ALK: variants seen among roughly 807,000 people sequenced by gnomAD.
ALK encodes the protein ALK receptor tyrosine kinase.
Under a neutral mutation model 163.1 loss-of-function variants are expected in ALK, and 74 were observed. That is an observed-to-expected ratio of 0.45 (90% confidence interval 0.38 to 0.55). The LOEUF is 0.55. ALK is among the 20% of genes least tolerant of loss of function. The pLI is 0.00. For synonymous variants in ALK, 960 were observed against 843.2 expected, an observed-to-expected ratio of 1.14 and a Z score of -2.40; for missense variants, 2,063 against 2,105.3, an observed-to-expected ratio of 0.98 and a Z score of 0.39.
At chr2:29,291,082 A>C (rs993727913) in intron 9 of ALK, among the ~76,000 whole-genome samples, 3 of 152,194 alleles carry the variant, frequency 2.0e-5, no homozygotes, top group Non-Finnish European at 4.4e-5. Flanking sequence ...ATGGCTATTG[A>C]CCAGGTGCGA....
chr2:29,410,010 G>A (rs72792455), intron 4 of ALK, among the ~76,000 whole-genome samples: 3,809 of 152,220 alleles, frequency 0.025, 99 homozygotes, highest in Non-Finnish European at 0.038. Context: ...TTAAACATAT[G>A]TTCAACCTTC....
intron 3 of ALK, among the ~76,000 whole-genome samples, chr2:29,618,641 T>C (rs971514568): frequency 1.3e-5 from 2 of 152,122 alleles, no homozygotes; most frequent in Non-Finnish European, 2.9e-5. Context: ...CTGCCCACGC[T>C]ACAGACTAGG....
intron 1 of ALK, among the ~76,000 whole-genome samples, chr2:29,806,665 T>G (rs1664625207): frequency 6.6e-6 from 1 of 152,148 alleles, no homozygotes; most frequent in African/African-American, 2.4e-5. Context: ...CAAAATAGAT[T>G]GGTGAGGACT....
intron 23 of ALK, among the ~76,000 whole-genome samples, chr2:29,215,927 C>T (rs957997669): frequency 6.6e-6 from 1 of 152,164 alleles, no homozygotes; most frequent in East Asian, 1.9e-4. Context: ...GGAGCACCCA[C>T]GCCAGCAGCC....
At chr2:29,873,818 G>A (rs1227950924) in intron 1 of ALK, among the ~76,000 whole-genome samples, 1 of 151,748 alleles carries the variant, frequency 6.6e-6, no homozygotes, top group Admixed American at 6.6e-5. Flanking sequence ...GGATAGCAGT[G>A]ATAATGACTG....
At chr2:29,718,398 G>A (rs1679325903) in intron 1 of ALK, among the ~76,000 whole-genome samples, 1 of 152,210 alleles carries the variant, frequency 6.6e-6, no homozygotes, top group Non-Finnish European at 1.5e-5. Context: ...CAAATCAAAT[G>A]ATCATGCACT....
At chr2:29,687,553 G>A (rs1678274890) in intron 3 of ALK, among the ~76,000 whole-genome samples, 1 of 151,862 alleles carries the variant, frequency 6.6e-6, no homozygotes. Flanking sequence ...AGGATAGCAT[G>A]TTTTATCTTA....
At chr2:29,448,315 G>T (rs1050578434) in intron 4 of ALK, among the ~76,000 whole-genome samples, 1 of 152,196 alleles carries the variant, frequency 6.6e-6, no homozygotes, top group Non-Finnish European at 1.5e-5. Flanking sequence ...ATTTAGGAGG[G>T]AGGCTGGCTT....
chr2:29,329,263 A>G (rs1467817686), intron 5 of ALK, among the ~76,000 whole-genome samples: 1 of 152,226 alleles, frequency 6.6e-6, no homozygotes, highest in African/African-American at 2.4e-5. Context: ...TAATGAATTA[A>G]CCTGTGACCA....
intron 3 of ALK, among the ~76,000 whole-genome samples, chr2:29,602,610 G>A (rs762696290): frequency 1.3e-5 from 2 of 152,086 alleles, no homozygotes; most frequent in Admixed American, 6.6e-5. Flanking sequence ...AGACACAGAG[G>A]GTCCTGTTTG....
At chr2:29,822,636 C>T (rs1665081037) in intron 1 of ALK, among the ~76,000 whole-genome samples, 1 of 152,166 alleles carries the variant, frequency 6.6e-6, no homozygotes, top group East Asian at 1.9e-4. Context: ...TGAGGTTCCT[C>T]ACTTATAAAT....
At chr2:29,451,893 T>C (rs1670828298) in intron 4 of ALK, among the ~76,000 whole-genome samples, 1 of 152,230 alleles carries the variant, frequency 6.6e-6, no homozygotes, top group African/African-American at 2.4e-5. Flanking sequence ...GAATTTGTTC[T>C]ATAGCTGTGT....
chr2:29,761,897 A>T (rs569232512), intron 1 of ALK, among the ~76,000 whole-genome samples: 1 of 152,358 alleles, frequency 6.6e-6, no homozygotes, highest in South Asian at 2.1e-4. Context: ...TTGGTATCTA[A>T]TTTAGATGGT....
chr2:29,820,501 G>T (rs1413272530), intron 1 of ALK, among the ~76,000 whole-genome samples: 1 of 152,184 alleles, frequency 6.6e-6, no homozygotes, highest in African/African-American at 2.4e-5. Flanking sequence ...GGGGGAATTT[G>T]TTATGCTGCA....
At chr2:29,274,054 C>G (rs147403276) in intron 11 of ALK, among the ~76,000 whole-genome samples, 263 of 152,010 alleles carry the variant, frequency 1.7e-3, no homozygotes, top group East Asian at 3.5e-3. Flanking sequence ...GTAACTAACT[C>G]TTTCTCCTGG....
At chr2:29,603,457 T>C (rs1006978380) in intron 3 of ALK, among the ~76,000 whole-genome samples, 1 of 152,218 alleles carries the variant, frequency 6.6e-6, no homozygotes, top group African/African-American at 2.4e-5. Flanking sequence ...ATCTTATTAC[T>C]ACAAAGAGTC....
At chr2:29,633,378 C>T (rs1335236684) in intron 3 of ALK, among the ~76,000 whole-genome samples, 1 of 152,076 alleles carries the variant, frequency 6.6e-6, no homozygotes, top group Non-Finnish European at 1.5e-5. Flanking sequence ...TTAAAAAACA[C>T]ATTGAACTAG....
chr2:29,657,670 G>A (rs1467329674), intron 3 of ALK, among the ~76,000 whole-genome samples: 1 of 152,128 alleles, frequency 6.6e-6, no homozygotes, highest in African/African-American at 2.4e-5. Flanking sequence ...TTGAAGAAGG[G>A]ATGGAGAATG....
chr2:29,655,768 A>T (rs1220324403), intron 3 of ALK, among the ~76,000 whole-genome samples: 1 of 152,236 alleles, frequency 6.6e-6, no homozygotes, highest in African/African-American at 2.4e-5. Flanking sequence ...TCATAGAAAG[A>T]AAATGGAAAA....
Sources: gnomAD v4.1 joint callset for allele counts (sites outside exome capture counted in the v4.1 genomes callset) on GRCh38, gnomAD v4.1.1 for gene constraint, MANE v1.5 for transcripts, NCBI Gene and HGNC (gene_info 2026-07-23, HGNC 2026-07-21) for gene names.